Variants in MGAT5 observed in about 807,000 individuals in gnomAD.
MGAT5 encodes the protein alpha-1,6-mannosylglycoprotein 6-beta-N-acetylglucosaminyltransferase A.
Under a neutral mutation model 94.3 loss-of-function variants are expected in MGAT5, and 30 were observed. The ratio of observed to expected loss-of-function variants is 0.32; its 90% CI spans 0.24 to 0.43. MGAT5 has a LOEUF of 0.43. Among genes scored for constraint, MGAT5 ranks in the 20% least tolerant of loss-of-function variants. The pLI, the probability that MGAT5 is intolerant of heterozygous loss-of-function variation, is 1.00. For synonymous variants in MGAT5, 310 were observed against 322.9 expected, an observed-to-expected ratio of 0.96 and a Z score of 0.43; for missense variants, 691 against 905.5, an observed-to-expected ratio of 0.76 and a Z score of 3.04.
chr2:134,408,151 G>A (rs1683450140), intron 11 of MGAT5, among the ~76,000 whole-genome samples: 1 of 152,202 alleles, frequency 6.6e-6, no homozygotes, highest in Admixed American at 6.5e-5. Context: ...GTTGGCGGCT[G>A]AGGGGTTGTC....
intron 1 of MGAT5, among the ~76,000 whole-genome samples, chr2:134,226,552 C>T (rs954134766): frequency 6.6e-6 from 1 of 152,146 alleles, no homozygotes; most frequent in Non-Finnish European, 1.5e-5. Context: ...TAGTTATTTA[C>T]TAGCTAGGTG....
At chr2:134,360,143 G>A (rs761789210) in intron 9 of MGAT5, among the ~76,000 whole-genome samples, 9 of 152,178 alleles carry the variant, frequency 5.9e-5, no homozygotes, top group Non-Finnish European at 1.3e-4. Context: ...ATTTCACAAG[G>A]TGAGACAGGA....
Position 134,422,831 on chromosome 2 carries a change from T to C in MGAT5, c.1706T>C (p.Val569Ala). The C allele has an allele frequency of 6.2e-7, 1 of 1,613,836 alleles. No homozygotes were observed. Among genetic ancestry groups the C allele is most frequent in the Non-Finnish European group, 8.5e-7 (1 of 1,179,810 alleles). ...ELTSQHPYAE[V>A]FIGRPHVWTV... is the part of the protein sequence containing the mutation. The stretch of plus-strand genomic sequence containing the variant: ...ACATCCCAGCATCCTTACGCTGAAG[T>C]TTTCATCGGGCGGCCACATGTGTGG... Residue 569 changes from valine (V) to alanine (A), a missense_variant, in exon 13 of 16, where the codon GTT (valine) becomes GCT (alanine). By Grantham distance (64) the Val-to-Ala change is moderately conservative. This residue lies in a region of MGAT5 where 260 missense variants were observed against 347.0 expected (regional missense o/e 0.75). Transcript: ENST00000281923.
intron 1 of MGAT5, among the ~76,000 whole-genome samples, chr2:134,216,278 G>C (rs186047211): frequency 6.6e-6 from 1 of 152,328 alleles, no homozygotes; most frequent in East Asian, 1.9e-4. Flanking sequence ...TACAGGGCCA[G>C]TCAGTGGGTG....
At position 134,133,899 on chromosome 2, in the gene MGAT5, G is replaced by A. The variant is rs150976750; in HGVS notation, c.-143+13608G>A. On this transcript the variant is annotated intron_variant, in intron 1 of 16. Coordinates refer to the MGAT5 transcript ENST00000409645. ...TTCAAACTGGTTGTTGGCATTCAGG[G>A]TCTGAAAACATTTTAAGCCATCCTT... Among the ~76,000 whole-genome samples, 16 of 152,244 alleles carry A rather than the reference G, an allele frequency of 1.1e-4. No homozygotes were observed. The East Asian group carries it at 3.1e-3, about 29-fold the overall frequency.
intron 8 of MGAT5, among the ~76,000 whole-genome samples, chr2:134,347,379 C>T (rs1026070834): frequency 6.6e-6 from 1 of 152,174 alleles, no homozygotes; most frequent in Non-Finnish European, 1.5e-5. Context: ...TACATCTAGG[C>T]GCTGTGCAAA....
At chr2:134,420,601 C>A (rs961397862) in intron 12 of MGAT5, among the ~76,000 whole-genome samples, 25 of 151,564 alleles carry the variant, frequency 1.6e-4, no homozygotes, top group Non-Finnish European at 1.5e-5. Context: ...CAGTTAATTC[C>A]TCTAGCCCTG....
chr2:134,345,851 A>T (rs1688894178), intron 8 of MGAT5, among the ~76,000 whole-genome samples: 1 of 152,158 alleles, frequency 6.6e-6, no homozygotes, highest in African/African-American at 2.4e-5. Flanking sequence ...TCTGAATTGT[A>T]AAATATTTCC....
At chr2:134,278,370 T>C (rs1426227024) in intron 2 of MGAT5, among the ~76,000 whole-genome samples, 1 of 152,212 alleles carries the variant, frequency 6.6e-6, no homozygotes, top group Non-Finnish European at 1.5e-5. Flanking sequence ...ACGGCTGTGC[T>C]GCTTTCCAGG....
chr2:134,152,322 CTATGGGACCCGCCCA>C (rs1687253884), intron 1 of MGAT5, among the ~76,000 whole-genome samples: 1 of 104,668 alleles, frequency 9.6e-6, no homozygotes, highest in African/African-American at 3.2e-5. Flanking sequence ...CACTCACGCC[CTATGGGACCCGCCCA>C]CCGCCATGGG....
chr2:134,300,301 G>A (rs575704765), intron 2 of MGAT5, among the ~76,000 whole-genome samples: 147 of 152,238 alleles, frequency 9.7e-4, no homozygotes, highest in African/African-American at 3.3e-3. Context: ...AATCAAGATG[G>A]CATGTTGTAA....
chr2:134,188,539 T>C (rs1285169983), intron 1 of MGAT5, among the ~76,000 whole-genome samples: 1 of 152,262 alleles, frequency 6.6e-6, no homozygotes, highest in African/African-American at 2.4e-5. Context: ...TAAAACATTT[T>C]AGCTGTTACT....
chr2:134,254,327 C>A lies in MGAT5; in HGVS notation c.-77C>A. On this transcript the variant is annotated 5_prime_UTR_variant, in exon 1 of 16. Transcript: ENST00000281923. ...CCAGAGTGAGACCAGCAGACTCTCA[C>A]ACTCAACCTACACCATGAATTTGTG... 1.3e-6 allele frequency: 2 copies of A among 1,554,500 alleles called. No individual in the cohort carries two copies. The highest frequency in any genetic ancestry group is 1.7e-6 in the Non-Finnish European group (2 of 1,146,206).
chr2:134,231,819 C>A (rs1181509472), intron 1 of MGAT5, among the ~76,000 whole-genome samples: 1 of 152,200 alleles, frequency 6.6e-6, no homozygotes, highest in Non-Finnish European at 1.5e-5. Flanking sequence ...GCTGACATGG[C>A]TGAGTAGTGG....
At chr2:134,437,680 A>C (rs989181795) in intron 14 of MGAT5, among the ~76,000 whole-genome samples, 8 of 152,148 alleles carry the variant, frequency 5.3e-5, no homozygotes, top group Non-Finnish European at 1.5e-5. Flanking sequence ...TTTATTATAA[A>C]ATTTAAAGGC....
At chr2:134,349,683 T>G in intron 8 of MGAT5, 122 bp from the exon 9 acceptor site, 2 of 1,085,210 alleles carry the variant, frequency 1.8e-6, no homozygotes, top group Non-Finnish European at 1.3e-6. Flanking sequence ...TCTTGTCTGG[T>G]CCTGCTTCTA....
At chr2:134,175,817 C>T (rs1323458791) in intron 1 of MGAT5, among the ~76,000 whole-genome samples, 2 of 152,026 alleles carry the variant, frequency 1.3e-5, no homozygotes, top group Non-Finnish European at 2.9e-5. Context: ...GGCCGCTTTA[C>T]TTTGTCTTTG....
chr2:134,230,228 G>A (rs576621073), intron 1 of MGAT5, among the ~76,000 whole-genome samples: 26 of 152,320 alleles, frequency 1.7e-4, no homozygotes, highest in Admixed American at 1.1e-3. Context: ...GTTCACAACA[G>A]GGTTTGTGCT....
At chr2:134,195,900 C>A (rs538081101) in intron 1 of MGAT5, among the ~76,000 whole-genome samples, 1 of 152,286 alleles carries the variant, frequency 6.6e-6, no homozygotes, top group South Asian at 2.1e-4. Context: ...GGGGTCTAGG[C>A]TTTGCAGTGC....
Sources: allele counts gnomAD v4.1 joint callset (sites outside exome capture counted in the v4.1 genomes callset), GRCh38; gene constraint gnomAD v4.1.1; regional missense constraint gnomAD v4.1.1; transcripts MANE v1.5; gene names NCBI Gene and HGNC (gene_info 2026-07-23, HGNC 2026-07-21).